Variants in MDN1 observed in about 807,000 individuals in gnomAD.
The protein encoded by MDN1 is midasin AAA ATPase 1.
MDN1 carries 266 observed loss-of-function variants against 669.2 expected under a neutral mutation model. The observed-to-expected ratio is 0.40, with a 90% CI of 0.36 to 0.44. MDN1 has a LOEUF of 0.44. Ranked by LOEUF, MDN1 falls within the 20% of genes least tolerant of loss-of-function variation. MDN1 has a pLI of 1.00. For missense variants in MDN1, 5,940 were observed against 6,754.0 expected (o/e 0.88, Z 4.22); for synonymous variants, 2,385 against 2,457.1 (o/e 0.97, Z 0.87).
At position 89,794,554 on chromosome 6, in the gene MDN1, A is replaced by T. The variant is rs1360342365; in HGVS notation, c.554+23T>A. The T allele has an allele frequency of 1.1e-5, 17 of 1,608,216 alleles. No individual in the cohort carries two copies. The African/African-American group carries it at 1.6e-4, about 15-fold the overall frequency. On this transcript the variant is annotated intron_variant, in intron 3 of 101. Coordinates refer to ENST00000369393, the MANE Select transcript of MDN1 (RefSeq NM_014611.3). ...TGTACCATCCCCACACTAGAAGTGC[A>T]AAAAAGTCTAACAGCTACGCACCAG...
chr6:89,744,725 A>G (rs1468067369), intron 29 of MDN1, among the ~76,000 whole-genome samples: 2 of 151,926 alleles, frequency 1.3e-5, no homozygotes. Context: ...TTACAAAAAA[A>G]TTTAAAAATT....
Position 89,642,681 on chromosome 6 carries a change from C to G in MDN1, c.*1324G>C, listed in dbSNP as rs1289292871. The G allele has an allele frequency of 6.6e-6, 1 of 152,230 alleles. No individual in the cohort carries two copies. The highest frequency in any genetic ancestry group is 2.4e-5 in the African/African-American group (1 of 41,454). The allele number at this position is 152,230 out of a possible 1,614,324, so 9.4% of individuals were successfully genotyped here. ...GGGGATCATGTTAGCACAGCATCAA[C>G]TAGTAACAGCTGACTGACTGATCCA... On this transcript the variant is annotated 3_prime_UTR_variant, in exon 102 of 102. Coordinates refer to ENST00000369393, the MANE Select transcript of MDN1 (RefSeq NM_014611.3).
At chr6:89,814,930 G>T in intron 1 of MDN1, 1 of 480,296 alleles carries the variant, frequency 2.1e-6, no homozygotes, top group Non-Finnish European at 4.0e-6. Context: ...CCAGGCTGCA[G>T]CTCGCTCAGC....
chr6:89,686,035 A>G (rs908270563), intron 69 of MDN1, 62 bp from the exon 70 acceptor site: 12 of 1,516,686 alleles, frequency 7.9e-6, no homozygotes, highest in Non-Finnish European at 1.1e-5. Context: ...TATTCCTAAC[A>G]TGCACGCAAT....
intron 1 of MDN1, among the ~76,000 whole-genome samples, chr6:89,813,042 G>A (rs1034486960): frequency 1.3e-5 from 2 of 152,046 alleles, no homozygotes; most frequent in Non-Finnish European, 2.9e-5. Flanking sequence ...CCAGGTTCAA[G>A]AGATTCTCCT....
chr6:89,645,048 G>A lies in MDN1; in HGVS notation c.16569C>T (p.Val5523=), dbSNP rs1188513874. Residue 5523 remains valine (V), a synonymous_variant, in exon 101 of 102, where the codon GTC becomes GTT. Coordinates refer to ENST00000369393, the MANE Select transcript of MDN1 (RefSeq NM_014611.3). ...VQAARNANIF[V]IFVVLDNPSS... is the part of the protein sequence containing the mutation. ...TGGGATTGTCCAATACAACAAAGAT[G>A]ACAAAGATATTTGCATTCCGGGCAG... The A allele has an allele frequency of 1.9e-6, 3 of 1,609,052 alleles. No homozygotes were observed. Among genetic ancestry groups the A allele is most frequent in the African/African-American group, 2.7e-5 (2 of 74,864 alleles).
In MDN1 at chr6:89,740,336, G is replaced by T. The variant is rs1344963744; in HGVS notation, c.4491C>A (p.Gly1497=). The change falls in exon 32 of 102, where the codon GGC becomes GGA. Residue 1497 remains glycine, a synonymous_variant. Transcript: ENST00000369393. ...VEKSLVLAEK[G]SPEDKDSEIE... ...TTTCACTATCCTTGTCCTCTGGACT[G>T]CCTTTTTCAGCTAATACCAGAGACT... 6.3e-7 allele frequency: 1 copy of T among 1,592,802 alleles called. No individual in the cohort carries two copies. The highest frequency in any genetic ancestry group is 2.3e-5 in the East Asian group (1 of 43,628).
At chr6:89,802,669 T>C (rs993803172) in intron 2 of MDN1, among the ~76,000 whole-genome samples, 1 of 151,702 alleles carries the variant, frequency 6.6e-6, no homozygotes, top group Non-Finnish European at 1.5e-5. Flanking sequence ...AGCCTGGTGA[T>C]AGAGTGGGAC....
chr6:89,743,856 C>T (rs369997519), intron 29 of MDN1, 142 bp from the exon 30 acceptor site: 2 of 857,308 alleles, frequency 2.3e-6, no homozygotes, highest in Non-Finnish European at 3.7e-6. Flanking sequence ...AACCTCAACC[C>T]CAGGCTCATG....
At chr6:89,754,345 A>G in intron 20 of MDN1, 115 bp from the exon 21 acceptor site, 1 of 1,020,476 alleles carries the variant, frequency 9.8e-7, no homozygotes, top group Non-Finnish European at 1.4e-6. Flanking sequence ...CATGCACACA[A>G]CTTCCTGGGG....
Position 89,701,991 on chromosome 6 carries a change from C to T in MDN1, c.8219G>A (p.Gly2740Asp). 1 of 1,613,834 alleles carries T rather than the reference C, an allele frequency of 6.2e-7. No homozygotes were observed. The highest frequency in any genetic ancestry group is 1.1e-5 in the South Asian group (1 of 91,064). Residue 2740 changes from glycine (G) to aspartate (D), a missense_variant, in exon 54 of 102, where the codon GGT (glycine) becomes GAT (aspartate). Physicochemically the swap from Gly to Asp is moderately conservative, Grantham distance 94. Coordinates refer to ENST00000369393, the MANE Select transcript of MDN1 (RefSeq NM_014611.3). ...CCAATGGAGGGCAAGAAGGGCCAGA[C>T]CTGGGGCATCTACTTTTACTGTGTC... is the stretch of plus-strand genomic sequence containing the variant. ...VADTVKVDAP[G>D]LALLALHWHW...
intron 73 of MDN1, among the ~76,000 whole-genome samples, chr6:89,682,171 C>T (rs566814079): frequency 1.3e-5 from 2 of 152,352 alleles, no homozygotes; most frequent in African/African-American, 4.8e-5. Context: ...TAAACCAGCA[C>T]ATCACGGCAC....
At chr6:89,708,225 G>A (rs1031517538) in intron 51 of MDN1, among the ~76,000 whole-genome samples, 9 of 152,068 alleles carry the variant, frequency 5.9e-5, no homozygotes, top group Non-Finnish European at 1.5e-5. Context: ...ATGGCTTAAG[G>A]CCAGGAGGCA....
intron 74 of MDN1, among the ~76,000 whole-genome samples, chr6:89,680,261 T>C (rs867206634): frequency 6.6e-6 from 1 of 152,176 alleles, no homozygotes; most frequent in South Asian, 2.1e-4. Flanking sequence ...TTTTTGACAG[T>C]GGGGACAGCT....
Position 89,706,339 on chromosome 6 carries a change from T to C in MDN1, c.8015-147A>G, listed in dbSNP as rs1813510607. 2.4e-5 allele frequency: 17 copies of C among 718,432 alleles called. No individual in the cohort carries two copies. The South Asian group carries it at 3.3e-4, about 14-fold the overall frequency. 44.5% of individuals were successfully genotyped at this position (718,432 alleles called of 1,614,324 possible). ...AGAGCAAAAGCAAAAGCAAATTCTT[T>C]GCCTACTACAGGTTGAGTGTCTCTT... is the stretch of plus-strand genomic sequence containing the variant. On this transcript the variant is annotated intron_variant, in intron 52 of 101. Transcript: ENST00000369393.
intron 1 of MDN1, chr6:89,815,376 A>G: frequency 9.2e-6 from 4 of 434,990 alleles, no homozygotes; most frequent in Non-Finnish European, 1.8e-5. Flanking sequence ...TGACACTCTC[A>G]TTCATGACTG....
At chr6:89,672,075 GT>G (rs1357292194) in intron 82 of MDN1, 124 bp downstream of exon 82, 4 of 958,410 alleles carry the variant, frequency 4.2e-6, no homozygotes, top group Non-Finnish European at 5.8e-6. Flanking sequence ...AAGAGACCAA[GT>G]TCTTAGTGAT....
intron 58 of MDN1, among the ~76,000 whole-genome samples, 193 bp downstream of exon 58, chr6:89,699,408 G>C (rs913040095): frequency 2.6e-5 from 4 of 152,186 alleles, no homozygotes; most frequent in Non-Finnish European, 4.4e-5. Context: ...CCTGTGATAA[G>C]AGTTGTAATA....
intron 35 of MDN1, 43 bp downstream of exon 35, chr6:89,730,683 A>G: frequency 6.6e-7 from 1 of 1,518,996 alleles, no homozygotes; most frequent in South Asian, 1.2e-5. Context: ...AGTATCTATG[A>G]TCTATAGAAA....
Sources: allele counts gnomAD v4.1 joint callset (sites outside exome capture counted in the v4.1 genomes callset), GRCh38; gene constraint gnomAD v4.1.1; transcripts MANE v1.5; gene names NCBI Gene and HGNC (gene_info 2026-07-23, HGNC 2026-07-21).